SCML2: variants seen among roughly 807,000 people sequenced by gnomAD.
SCML2 encodes the protein Scm polycomb group protein like 2.
A neutral mutation model predicts 48.4 loss-of-function variants in SCML2; 6 were observed. That is an observed-to-expected ratio of 0.12 (90% CI 0.07 to 0.24). The LOEUF is 0.24. Among genes scored for constraint, SCML2 ranks in the 10% least tolerant of loss-of-function variants. The probability of loss-of-function intolerance (pLI) is 1.00; values close to 1 mark genes in which losing one functional copy is unlikely to be tolerated. For missense variants in SCML2, 377 were observed against 528.2 expected (o/e 0.71, Z 2.81); for synonymous variants, 181 against 189.5 (o/e 0.95, Z 0.37).
intron 1 of SCML2, among the ~76,000 whole-genome samples, chrX:18,338,851 C>T (rs2147560619): frequency 9.4e-6 from 1 of 106,539 alleles, no homozygotes; most frequent in South Asian, 4.3e-4. Context: ...GAAGTCGAGG[C>T]TGCAGTGAGT....
At chrX:18,280,572 C>A (rs775537431) in intron 7 of SCML2, among the ~76,000 whole-genome samples, 4 of 111,498 alleles carry the variant, frequency 3.6e-5, no homozygotes, top group Non-Finnish European at 7.5e-5. Flanking sequence ...GAATGGCAAG[C>A]TGAATACAAA....
chrX:18,272,041 T>C (rs754996327), intron 7 of SCML2, among the ~76,000 whole-genome samples: 8 of 110,806 alleles, frequency 7.2e-5, no homozygotes, highest in Admixed American at 4.8e-4. Context: ...TCCCATACCA[T>C]AACACTGGCT....
intron 7 of SCML2, among the ~76,000 whole-genome samples, chrX:18,271,724 G>A (rs1180791967): frequency 4.6e-5 from 5 of 108,174 alleles, no homozygotes; most frequent in African/African-American, 6.8e-5. Context: ...TACTATGTAC[G>A]AATTTTTTTT....
At chrX:18,339,309 T>C (rs925444182) in intron 1 of SCML2, among the ~76,000 whole-genome samples, 1 of 112,511 alleles carries the variant, frequency 8.9e-6, no homozygotes, top group Non-Finnish European at 1.9e-5. Context: ...AGAAAAGTTA[T>C]ACATTCTAGC....
Position 18,241,156 on chromosome X carries a change from G to T in SCML2, c.*95C>A. ...CTGATAAAATATTTTTATGGGAACT[G>T]TCTACAAAACAAAAACTGCTAAGAG... On this transcript the variant is annotated 3_prime_UTR_variant, in exon 15 of 15. Transcript: ENST00000251900. 1.3e-6 allele frequency: 1 copy of T among 756,751 alleles called. No homozygotes were observed. The highest frequency in any genetic ancestry group is 1.8e-6 in the Non-Finnish European group (1 of 554,051). 62.4% of individuals were successfully genotyped at this position (756,751 alleles called of 1,213,427 possible). A position where few individuals can be genotyped will look rare whatever the true frequency, so the allele number is the denominator to read the frequency against.
chrX:18,335,840 C>A (rs903736127), intron 1 of SCML2, among the ~76,000 whole-genome samples: 1 of 112,151 alleles, frequency 8.9e-6, no homozygotes, highest in Admixed American at 9.5e-5. Context: ...ACAAACTGAT[C>A]ATCAAAATCC....
chrX:18,256,223 G>C (rs182376271), intron 11 of SCML2, among the ~76,000 whole-genome samples: 1 of 111,312 alleles, frequency 9.0e-6, no homozygotes, highest in Non-Finnish European at 1.9e-5. Context: ...AGGCCAAGGC[G>C]GGAGGATCAC....
At chrX:18,310,517 C>T (rs1358071978) in intron 6 of SCML2, among the ~76,000 whole-genome samples, 5 of 110,859 alleles carry the variant, frequency 4.5e-5, no homozygotes, top group African/African-American at 9.8e-5. Context: ...CCACCCACCT[C>T]GGCCTCCCAA....
chrX:18,280,194 T>C (rs1056102938), intron 7 of SCML2, among the ~76,000 whole-genome samples: 11 of 111,582 alleles, frequency 9.9e-5, no homozygotes, highest in African/African-American at 3.3e-4. Context: ...CCAGAAGATA[T>C]TGGGAGCCTA....
At chrX:18,350,263 A>G (rs1195119020) in intron 1 of SCML2, among the ~76,000 whole-genome samples, 1 of 109,708 alleles carries the variant, frequency 9.1e-6, no homozygotes, top group African/African-American at 3.3e-5. Flanking sequence ...TGGGCAACAG[A>G]CAGAGCAAGA....
chrX:18,311,771 C>T (rs1933762420), intron 6 of SCML2, among the ~76,000 whole-genome samples: 2 of 108,175 alleles, frequency 1.8e-5, no homozygotes, highest in Admixed American at 2.0e-4. Context: ...TATAATTTGA[C>T]TTATGTGGGT....
At chrX:18,277,965 G>A (rs778156777) in intron 7 of SCML2, among the ~76,000 whole-genome samples, 5 of 110,384 alleles carry the variant, frequency 4.5e-5, no homozygotes, top group Admixed American at 1.9e-4. Context: ...TCGGGAGTTC[G>A]ACATCAGCCT....
In SCML2 at chrX:18,258,225, A is replaced by G; in HGVS notation, c.1092T>C (p.His364=). The G allele has an allele frequency of 1.7e-6, 2 of 1,210,633 alleles. No individual in the cohort carries two copies. The highest frequency in any genetic ancestry group is 2.2e-6 in the Non-Finnish European group (2 of 894,521). The change falls in exon 10 of 15, where the codon CAT becomes CAC. Residue 364 remains histidine (H), a synonymous_variant. Transcript: ENST00000251900. ...MSTVCVYVNK[H]GNFGPHLDPK... ...GATCCAGATGAGGGCCAAAGTTTCC[A>G]TGTTTGTTTACATAGACACAGACTT...
chrX:18,288,676 A>C (rs984595010), intron 7 of SCML2, among the ~76,000 whole-genome samples: 15 of 112,203 alleles, frequency 1.3e-4, no homozygotes, highest in Non-Finnish European at 1.9e-5. Flanking sequence ...TTACAATATA[A>C]AAAAACTTTT....
At chrX:18,320,072 T>G (rs1186521108) in intron 6 of SCML2, among the ~76,000 whole-genome samples, 1 of 112,570 alleles carries the variant, frequency 8.9e-6, no homozygotes, top group Non-Finnish European at 1.9e-5. Context: ...CATGTCTATA[T>G]GCTAATGGTG....
chrX:18,296,185 G>A (rs751414605), intron 7 of SCML2, among the ~76,000 whole-genome samples: 1 of 110,870 alleles, frequency 9.0e-6, no homozygotes, highest in Admixed American at 9.6e-5. Flanking sequence ...AGATACAAGA[G>A]AACACAGATA....
intron 2 of SCML2, among the ~76,000 whole-genome samples, chrX:18,332,504 T>C (rs1481737795): frequency 1.8e-5 from 2 of 112,361 alleles, no homozygotes; most frequent in Admixed American, 9.5e-5. Context: ...GAGGGATATA[T>C]GAGCTGCTTT....
Position 18,262,792 on chromosome X carries a change from A to C in SCML2, c.949-2501T>G, listed in dbSNP as rs1439683079. 1.0e-4 allele frequency among the ~76,000 whole-genome samples: 11 copies of C among 108,400 alleles called. No homozygotes were observed. The Admixed American group carries it at 1.1e-3, about 10-fold the overall frequency. The allele number at this position is 108,400 out of a possible 115,157, so 94.1% of individuals were successfully genotyped here. A position where few individuals can be genotyped will look rare whatever the true frequency, so the allele number is the denominator to read the frequency against. On this transcript the variant is annotated intron_variant, in intron 8 of 14. Coordinates refer to ENST00000251900, the MANE Select transcript of SCML2 (RefSeq NM_006089.3). The stretch of plus-strand genomic sequence containing the variant: ...CAAAGGCACCATCTCAGCTCACTGC[A>C]ACCTCCACCTCCTAGGCTCAAGCAA...
chrX:18,330,749 A>G (rs1420783161), intron 2 of SCML2, 94 bp from the exon 3 acceptor site: 1 of 474,774 alleles, frequency 2.1e-6, no homozygotes, highest in Admixed American at 4.6e-5. Context: ...TAAAGAGCCA[A>G]TTTTAGTTTT....
Sources: gnomAD v4.1 joint callset for allele counts (sites outside exome capture counted in the v4.1 genomes callset) on GRCh38, gnomAD v4.1.1 for gene constraint, MANE v1.5 for transcripts, NCBI Gene and HGNC (gene_info 2026-07-23, HGNC 2026-07-21) for gene names.